The following MAN1A1 variants were observed in gnomAD, a reference collection of about 807,000 sequenced individuals.
MAN1A1 encodes mannosidase alpha class 1A member 1.
Under a neutral mutation model 70.8 loss-of-function variants are expected in MAN1A1, and 29 were observed. The ratio of observed to expected loss-of-function variants is 0.41; its 90% confidence interval spans 0.31 to 0.56. The LOEUF is 0.56. Ranked by LOEUF, MAN1A1 falls within the 20% of genes least tolerant of loss-of-function variation. The pLI, the probability that MAN1A1 is intolerant of heterozygous loss-of-function variation, is 0.29. For missense variants in MAN1A1, 747 were observed against 841.3 expected, an observed-to-expected ratio of 0.89 and a Z score of 1.39; for synonymous variants, 349 against 330.1, an observed-to-expected ratio of 1.06 and a Z score of -0.62.
chr6:119,339,579 T>G (rs1246334641), intron 2 of MAN1A1, among the ~76,000 whole-genome samples: 3 of 151,926 alleles, frequency 2.0e-5, no homozygotes, highest in African/African-American at 7.3e-5. Context: ...ACTTAGTGAC[T>G]GATAAAACTA....
chr6:119,349,354 C>A, intron 1 of MAN1A1, 67 bp from the exon 2 acceptor site: 1 of 1,082,520 alleles, frequency 9.2e-7, no homozygotes, highest in Non-Finnish European at 1.1e-6. Context: ...GGGTCTCCGC[C>A]CTCCGACTCC....
chr6:119,213,613 C>T (rs532546245), intron 6 of MAN1A1, among the ~76,000 whole-genome samples: 65 of 152,152 alleles, frequency 4.3e-4, no homozygotes, highest in Non-Finnish European at 7.9e-4. Flanking sequence ...CAGCTCTTTG[C>T]TGCCTTGCGA....
chr6:119,275,374 T>C (rs531578539), intron 5 of MAN1A1, among the ~76,000 whole-genome samples: 1 of 104,402 alleles, frequency 9.6e-6, no homozygotes, highest in Non-Finnish European at 1.9e-5. Context: ...TGGCGGGATC[T>C]CGGCTCACTG....
rs752325154 is a variant in MAN1A1 at position 119,290,704 on chromosome 6, G to A, written c.876C>T (p.Ala292=). Residue 292 remains alanine, a synonymous_variant, in exon 5 of 13, where the codon GCC becomes GCT. Coordinates refer to ENST00000368468, the MANE Select transcript of MAN1A1 (RefSeq NM_005907.4). ...NIRFVGGLLS[A]YYLSGEEIFR... ...TTACCTCTTCTCCAGACAGATAGTA[G>A]GCTGAGAGTAGTCCACCAACAAAGC... is the stretch of plus-strand genomic sequence containing the variant. 90 of 1,610,036 alleles carry A rather than the reference G, an allele frequency of 5.6e-5. No individual in the cohort carries two copies. The highest frequency in any genetic ancestry group is 7.5e-5 in the Non-Finnish European group (88 of 1,177,638).
At chr6:119,265,101 AAT>A (rs201088415) in intron 5 of MAN1A1, among the ~76,000 whole-genome samples, 8,233 of 89,054 alleles carry the variant, frequency 0.092, 315 homozygotes, top group African/African-American at 0.15. Context: ...GCCTTTTTTA[AAT>A]TTTTTTTTTT....
chr6:119,207,513 C>T (rs1157983200), intron 6 of MAN1A1, among the ~76,000 whole-genome samples: 6 of 152,122 alleles, frequency 3.9e-5, no homozygotes, highest in Non-Finnish European at 8.8e-5. Context: ...GGACATGGGG[C>T]ACACATCTAT....
At chr6:119,182,318 T>C (rs1773172891) in intron 11 of MAN1A1, among the ~76,000 whole-genome samples, 1 of 152,190 alleles carries the variant, frequency 6.6e-6, no homozygotes, top group South Asian at 2.1e-4. Flanking sequence ...GTGTTTTTAG[T>C]TGATTGTTTC....
rs58795811 is a variant in MAN1A1 at position 119,293,794 on chromosome 6, C to A, written c.817-3031G>T. On this transcript the variant is annotated intron_variant, in intron 4 of 12. Coordinates refer to ENST00000368468, the MANE Select transcript of MAN1A1 (RefSeq NM_005907.4). ...ACTAAGAAGATAAAAATTCTCCCACCACACCAAATTGGTTGGCTATCCTGC... is the reference window on the plus strand; with the variant it reads ...ACTAAGAAGATAAAAATTCTCCCACAACACCAAATTGGTTGGCTATCCTGC... Among the ~76,000 whole-genome samples the A allele has an allele frequency of 2.1e-4, 32 of 152,106 alleles. No homozygotes were observed. The East Asian group carries it at 5.8e-3, about 28-fold the overall frequency.
chr6:119,285,614 T>G (rs1194606878), intron 5 of MAN1A1, among the ~76,000 whole-genome samples: 1 of 152,136 alleles, frequency 6.6e-6, no homozygotes, highest in African/African-American at 2.4e-5. Context: ...AATTCTTTTT[T>G]TTTTTTTCCA....
chr6:119,298,079 AG>A (rs1207368016), intron 4 of MAN1A1, among the ~76,000 whole-genome samples: 1 of 152,216 alleles, frequency 6.6e-6, no homozygotes, highest in African/African-American at 2.4e-5. Flanking sequence ...GAAGATACTT[AG>A]TAAATAACAC....
chr6:119,298,799 T>C (rs1772300519), intron 4 of MAN1A1, among the ~76,000 whole-genome samples: 1 of 152,022 alleles, frequency 6.6e-6, no homozygotes, highest in Non-Finnish European at 1.5e-5. Context: ...GGTTTCGCCA[T>C]GTTAGCCAGG....
At position 119,278,874 on chromosome 6, in the gene MAN1A1, C is replaced by T. The variant is rs116046579; in HGVS notation, c.897+11809G>A. On this transcript the variant is annotated intron_variant, in intron 5 of 12. Coordinates refer to ENST00000368468, the MANE Select transcript of MAN1A1 (RefSeq NM_005907.4). ...ATGCCTGCTCCCCCACTGCCTTCTG[C>T]CATGAGTGGAAAGCTTCCTGAGGCT... Among the ~76,000 whole-genome samples, 716 of 152,234 alleles carry T rather than the reference C, an allele frequency of 4.7e-3. 7 individuals are homozygous for T. The highest frequency in any genetic ancestry group is 0.016 in the African/African-American group (677 of 41,520).
At chr6:119,287,333 T>C (rs930413633) in intron 5 of MAN1A1, among the ~76,000 whole-genome samples, 5 of 152,162 alleles carry the variant, frequency 3.3e-5, no homozygotes, top group Non-Finnish European at 7.4e-5. Context: ...CTGCTCAATA[T>C]AGCTATTGGT....
At chr6:119,218,814 C>G (rs932211777) in intron 6 of MAN1A1, among the ~76,000 whole-genome samples, 9 of 152,080 alleles carry the variant, frequency 5.9e-5, no homozygotes, top group African/African-American at 1.9e-4. Flanking sequence ...CCTGAGCTGC[C>G]AAGGTAGGCT....
intron 2 of MAN1A1, among the ~76,000 whole-genome samples, chr6:119,319,745 T>C (rs1169627546): frequency 1.3e-5 from 2 of 152,212 alleles, no homozygotes; most frequent in Admixed American, 1.3e-4. Flanking sequence ...CTTTGCTTCT[T>C]GCTGAAACTG....
intron 2 of MAN1A1, among the ~76,000 whole-genome samples, chr6:119,339,864 G>C (rs2114506316): frequency 6.6e-6 from 1 of 152,282 alleles, no homozygotes. Flanking sequence ...GCCAAGGTGG[G>C]TGGATCACTT....
At chr6:119,347,370 T>C (rs1773758890) in intron 2 of MAN1A1, among the ~76,000 whole-genome samples, 1 of 152,222 alleles carries the variant, frequency 6.6e-6, no homozygotes, top group African/African-American at 2.4e-5. Flanking sequence ...AAATACAATA[T>C]TTATTTTCAC....
chr6:119,235,460 A>AATTCT lies in MAN1A1; in HGVS notation c.992+12799_992+12800insAGAAT, dbSNP rs1395671922. 9.0e-4 allele frequency among the ~76,000 whole-genome samples: 137 copies of AATTCT among 152,288 alleles called. 1 individual carries two copies. The East Asian group carries it at 0.025, about 28-fold the overall frequency. On this transcript the variant is annotated intron_variant, in intron 6 of 12. Coordinates refer to ENST00000368468, the MANE Select transcript of MAN1A1 (RefSeq NM_005907.4). Reference sequence around the variant, plus strand: ...AAAACCTACTCCAGAGTAAGGCCCTAACTCTCTTTAATTCTACGAAGACTG... The same window carrying AATTCT: ...AAAACCTACTCCAGAGTAAGGCCCTAATTCTACTCTCTTTAATTCTACGAAGACTG...
At position 119,348,455 on chromosome 6, in the gene MAN1A1, C is replaced by A. The variant is rs757902429; in HGVS notation, c.603+8G>T. 6.3e-7 allele frequency: 1 copy of A among 1,582,804 alleles called. No homozygotes were observed. Among genetic ancestry groups the A allele is most frequent in the Non-Finnish European group, 8.6e-7 (1 of 1,162,066 alleles). On this transcript the variant is annotated splice_region_variant and intron_variant, in intron 2 of 12. Coordinates refer to ENST00000368468, the MANE Select transcript of MAN1A1 (RefSeq NM_005907.4). ...GGTCGGGAGGGATTTCTGGCGCGGC[C>A]CACTCACCTCTTTGATCTTTGCCCT...
Sources: gnomAD v4.1 joint callset for allele counts (sites outside exome capture counted in the v4.1 genomes callset) on GRCh38, gnomAD v4.1.1 for gene constraint, MANE v1.5 for transcripts, NCBI Gene and HGNC (gene_info 2026-07-23, HGNC 2026-07-21) for gene names.